The following TRAPPC10 variants were observed in gnomAD, a reference collection of about 807,000 sequenced individuals.
TRAPPC10 encodes the protein TRAPP 130 kDa subunit.
In TRAPPC10, 23 loss-of-function variants were observed where a neutral mutation model predicts 125.5. The ratio of observed to expected loss-of-function variants is 0.18; its 90% CI spans 0.13 to 0.26. TRAPPC10 has a LOEUF of 0.26. Among genes scored for constraint, TRAPPC10 ranks in the 10% least tolerant of loss-of-function variants. TRAPPC10 has a pLI of 1.00. For synonymous variants in TRAPPC10, 509 were observed against 518.0 expected (o/e 0.98, Z 0.24); for missense variants, 1,123 against 1,308.4 (o/e 0.86, Z 2.19).
intron 2 of TRAPPC10, among the ~76,000 whole-genome samples, chr21:44,032,379 CTTTTTTTTTTT>C (rs1200011844): frequency 9.2e-6 from 1 of 108,472 alleles, no homozygotes; most frequent in East Asian, 2.6e-4. Context: ...CCATGGTTTT[CTTTTTTTTTTT>C]TTTTTTTTTT....
intron 15 of TRAPPC10, among the ~76,000 whole-genome samples, chr21:44,085,551 G>A (rs1449374888): frequency 6.6e-6 from 1 of 152,058 alleles, no homozygotes; most frequent in African/African-American, 2.4e-5. Context: ...AATTAGCTGG[G>A]TGTAGTCGTG....
chr21:44,040,708 G>A (rs1397340009), intron 3 of TRAPPC10, among the ~76,000 whole-genome samples: 1 of 151,332 alleles, frequency 6.6e-6, no homozygotes, highest in African/African-American at 2.4e-5. Context: ...TGCAACCTCC[G>A]CCCCTCTAGG....
intron 6 of TRAPPC10, chr21:44,062,630 C>T: frequency 1.0e-5 from 10 of 984,666 alleles, no homozygotes; most frequent in Non-Finnish European, 1.2e-5. Flanking sequence ...GCTCCAATAG[C>T]CCTGAGGATG....
At chr21:44,053,210 G>A (rs187564420) in intron 4 of TRAPPC10, among the ~76,000 whole-genome samples, 1 of 152,214 alleles carries the variant, frequency 6.6e-6, no homozygotes, top group Admixed American at 6.5e-5. Context: ...GCTCATTGTA[G>A]AATTATTAGA....
At chr21:44,071,383 A>G (rs1322368613) in intron 7 of TRAPPC10, among the ~76,000 whole-genome samples, 1 of 152,216 alleles carries the variant, frequency 6.6e-6, no homozygotes, top group African/African-American at 2.4e-5. Context: ...TGTTTTTTCA[A>G]AGCAATGAAA....
chr21:44,029,847 C>G (rs1460696704), intron 1 of TRAPPC10, among the ~76,000 whole-genome samples: 1 of 152,236 alleles, frequency 6.6e-6, no homozygotes. Flanking sequence ...AAGACCTTAT[C>G]TGCATATGGT....
intron 2 of TRAPPC10, among the ~76,000 whole-genome samples, chr21:44,032,828 G>A (rs1028249190): frequency 2.6e-5 from 4 of 152,216 alleles, no homozygotes; most frequent in African/African-American, 9.7e-5. Context: ...AAGGAGACAC[G>A]TGCTCACTTA....
chr21:44,045,502 T>C (rs2034722565), intron 3 of TRAPPC10, among the ~76,000 whole-genome samples: 1 of 152,138 alleles, frequency 6.6e-6, no homozygotes, highest in African/African-American at 2.4e-5. Flanking sequence ...ATTATTATTT[T>C]TGTTATTTTG....
At chr21:44,012,669 G>C in intron 1 of TRAPPC10, 109 bp downstream of exon 1, 1 of 1,008,192 alleles carries the variant, frequency 9.9e-7, no homozygotes, top group Non-Finnish European at 1.4e-6. Context: ...CTCCGGGCTG[G>C]GCCGCTTCCT....
In TRAPPC10 at chr21:44,082,769, C is replaced by G. The variant is rs774337597; in HGVS notation, c.1724-19C>G. 6.2e-7 allele frequency: 1 copy of G among 1,610,176 alleles called. No individual in the cohort carries two copies. Among genetic ancestry groups the G allele is most frequent in the Admixed American group, 1.7e-5 (1 of 59,904 alleles). ...GAAGTGTGACTTGGGGAGTCACTTACGATAATGTCTATTTACAGGTCATAA... is the reference window on the plus strand; with the variant it reads ...GAAGTGTGACTTGGGGAGTCACTTAGGATAATGTCTATTTACAGGTCATAA... On this transcript the variant is annotated intron_variant, in intron 13 of 22. Coordinates refer to ENST00000291574, the MANE Select transcript of TRAPPC10 (RefSeq NM_003274.5). The surrounding 1 kb of genome is among the most constrained non-coding windows in gnomAD (Gnocchi z 4.4).
Position 44,076,557 on chromosome 21 carries a change from A to G in TRAPPC10, c.1306A>G (p.Thr436Ala). 6.2e-7 allele frequency: 1 copy of G among 1,614,082 alleles called. No individual in the cohort carries two copies. The highest frequency in any genetic ancestry group is 8.5e-7 in the Non-Finnish European group (1 of 1,179,936). Residue 436 changes from threonine (T) to alanine (A), a missense_variant, in exon 10 of 23, where the codon ACA becomes GCA. Thr to Ala is a moderately conservative substitution (Grantham distance 58). Transcript: ENST00000291574. ...CTCGTTTCTTTCTGTTTAAGCCAAC[A>G]CAGCTCAGAGTCCTTATAAGAAACT... is the stretch of plus-strand genomic sequence containing the variant. ...LGAERPETANTAQSPYKKLKE... is the reference protein window; with the variant it reads ...LGAERPETANAAQSPYKKLKE...
Position 44,063,855 on chromosome 21 carries a change from C to A in TRAPPC10, c.1038+70C>A. The A allele has an allele frequency of 6.5e-7, 1 of 1,546,960 alleles. No individual in the cohort carries two copies. Among genetic ancestry groups the A allele is most frequent in the South Asian group, 1.2e-5 (1 of 81,224 alleles). ...AGCAGAAATCTCTGAACCTTGAGAT[C>A]CCAGGCATTGAACTGTTTGTGCTTA... is the stretch of plus-strand genomic sequence containing the variant. On this transcript the variant is annotated intron_variant, in intron 7 of 22. Transcript: ENST00000291574. The surrounding 1 kb of genome is among the most constrained non-coding windows in gnomAD (Gnocchi z 4.4).
chr21:44,053,657 A>G (rs1026057586), intron 4 of TRAPPC10, among the ~76,000 whole-genome samples: 3 of 152,216 alleles, frequency 2.0e-5, no homozygotes, highest in Non-Finnish European at 4.4e-5. Context: ...CGAGGCTGGT[A>G]GAGGCAAGGG....
At chr21:44,019,277 T>C (rs1054645546) in intron 1 of TRAPPC10, among the ~76,000 whole-genome samples, 1 of 152,188 alleles carries the variant, frequency 6.6e-6, no homozygotes, top group East Asian at 1.9e-4. Flanking sequence ...TTTGAACTCC[T>C]GGATTCAAGC....
At chr21:44,081,017 C>CTTTTTTTTTTTCTTTTTTTTTTTT (rs2037688426) in intron 13 of TRAPPC10, among the ~76,000 whole-genome samples, 2 of 97,196 alleles carry the variant, frequency 2.1e-5, no homozygotes, top group Non-Finnish European at 4.1e-5. Context: ...TTTTTTTTTT[C>CTTTTTTTTTTTCTTTTTTTTTTTT]TTTTTTTTTT....
chr21:44,046,198 G>A, intron 3 of TRAPPC10: 1 of 185,830 alleles, frequency 5.4e-6, no homozygotes, highest in Non-Finnish European at 1.2e-5. Context: ...TTGGTTGGTT[G>A]GAAAGCTAAT....
In TRAPPC10 at chr21:44,076,446, AAG is replaced by A. The variant is rs1205797772; in HGVS notation, c.1301-103_1301-102del. The A allele has an allele frequency of 4.9e-6, 4 of 812,636 alleles. No homozygotes were observed. The East Asian group carries it at 1.0e-4, about 21-fold the overall frequency. 50.3% of individuals were successfully genotyped at this position (812,636 alleles called of 1,614,324 possible). ...GGCATTGGCCGGTTTGTAATTTCACAAGAGTCAGATGAGGTCATCTACCTGCA... is the reference window on the plus strand; with the variant it reads ...GGCATTGGCCGGTTTGTAATTTCACAAGTCAGATGAGGTCATCTACCTGCA... On this transcript the variant is annotated intron_variant, in intron 9 of 22. Transcript: ENST00000291574.
intron 1 of TRAPPC10, among the ~76,000 whole-genome samples, chr21:44,019,636 C>A (rs191294845): frequency 1.3e-4 from 20 of 152,260 alleles, no homozygotes; most frequent in Non-Finnish European, 1.6e-4. Flanking sequence ...ATATATAGGG[C>A]CTGCCTGGAT....
In TRAPPC10 at chr21:44,029,060, TCTTAAA is replaced by T. The variant is rs926173402; in HGVS notation, c.68-3025_68-3020del. 1.6e-4 allele frequency among the ~76,000 whole-genome samples: 25 copies of T among 152,364 alleles called. 1 individual carries two copies. In the South Asian group the frequency reaches 4.6e-3, roughly 28 times the overall value. Reference sequence around the variant, plus strand: ...GAGCCAAGATTGAATTCTTTTGGGCTCTTAAACTTAAGCTGTTCACCATCTTTTTTT... The same window carrying T: ...GAGCCAAGATTGAATTCTTTTGGGCTCTTAAGCTGTTCACCATCTTTTTTT... On this transcript the variant is annotated intron_variant, in intron 1 of 22. Transcript: ENST00000291574.
Sources: allele counts gnomAD v4.1 joint callset (sites outside exome capture counted in the v4.1 genomes callset), GRCh38; gene constraint gnomAD v4.1.1; non-coding constraint Gnocchi (gnomAD v3.1); transcripts MANE v1.5; gene names NCBI Gene and HGNC (gene_info 2026-07-23, HGNC 2026-07-21).